CD38: variants seen among roughly 807,000 people sequenced by gnomAD.
CD38 encodes the protein ADP-ribosyl cyclase/cyclic ADP-ribose hydrolase 1.
A neutral mutation model predicts 36.3 loss-of-function variants in CD38; 31 were observed. That is an observed-to-expected ratio of 0.85 (90% CI 0.64 to 1.15). CD38 has a LOEUF of 1.15. Among genes scored for constraint, CD38 ranks in the 50% most tolerant of loss-of-function variants. The probability of loss-of-function intolerance (pLI) is 0.00; values close to 1 mark genes in which losing one functional copy is unlikely to be tolerated. For synonymous variants in CD38, 131 were observed against 135.2 expected, an observed-to-expected ratio of 0.97 and a Z score of 0.22; for missense variants, 380 against 371.9, an observed-to-expected ratio of 1.02 and a Z score of -0.18.
intron 1 of CD38, among the ~76,000 whole-genome samples, chr4:15,785,564 C>A (rs970363953): frequency 6.6e-6 from 1 of 150,870 alleles, no homozygotes; most frequent in African/African-American, 2.5e-5. Context: ...ACAATAAACA[C>A]TCATGGCTTC....
intron 1 of CD38, among the ~76,000 whole-genome samples, chr4:15,785,470 G>T (rs990937052): frequency 6.6e-6 from 1 of 151,958 alleles, no homozygotes; most frequent in Non-Finnish European, 1.5e-5. Context: ...ACACACACTT[G>T]CTCCTTGTTC....
chr4:15,821,904 A>G (rs936424664), intron 2 of CD38, among the ~76,000 whole-genome samples: 1 of 152,056 alleles, frequency 6.6e-6, no homozygotes, highest in African/African-American at 2.4e-5. Flanking sequence ...AGAAAACTTC[A>G]GGCCAATATC....
rs192117974 is a variant in CD38 at position 15,800,359 on chromosome 4, A to G, written c.234-16152A>G. On this transcript the variant is annotated intron_variant, in intron 1 of 7. Coordinates refer to ENST00000226279, the MANE Select transcript of CD38 (RefSeq NM_001775.4). ...GAGCCATATGGTACATAAGTTGATT[A>G]GCTTTTTGAGAAACCACCAAACTGT... 7.9e-4 allele frequency among the ~76,000 whole-genome samples: 120 copies of G among 152,320 alleles called. 1 individual carries two copies. The highest frequency in any genetic ancestry group is 2.8e-3 in the African/African-American group (116 of 41,578).
intron 2 of CD38, among the ~76,000 whole-genome samples, chr4:15,820,495 T>C (rs1446449591): frequency 6.6e-6 from 1 of 152,106 alleles, no homozygotes; most frequent in Admixed American, 6.6e-5. Context: ...TGGAGGAATA[T>C]TTACCAAGCA....
rs529069394 is a variant in CD38, at chr4:15,780,907, A to T, written c.233+2260A>T. Among the ~76,000 whole-genome samples, 150 of 152,326 alleles carry T rather than the reference A, an allele frequency of 9.8e-4. 1 individual carries two copies. The highest frequency in any genetic ancestry group is 6.8e-3 in the Middle Eastern group (2 of 294). ...GTGGATCACTTAAGGTCAGGAGTAC[A>T]AGACCTGCCTGGCCAACATGCTGAA... On this transcript the variant is annotated intron_variant, in intron 1 of 7. Coordinates refer to ENST00000226279, the MANE Select transcript of CD38 (RefSeq NM_001775.4).
At chr4:15,782,406 T>A (rs1418395738) in intron 1 of CD38, among the ~76,000 whole-genome samples, 1 of 152,252 alleles carries the variant, frequency 6.6e-6, no homozygotes, top group Non-Finnish European at 1.5e-5. Flanking sequence ...TCTTTTGTCC[T>A]TCTCTTACAC....
At chr4:15,813,857 A>G (rs1382817186) in intron 1 of CD38, among the ~76,000 whole-genome samples, 1 of 152,176 alleles carries the variant, frequency 6.6e-6, no homozygotes. Flanking sequence ...ATTTATGGGC[A>G]TTTGGGTTGG....
intron 1 of CD38, among the ~76,000 whole-genome samples, chr4:15,793,598 A>C (rs1367677226): frequency 2.0e-5 from 3 of 152,156 alleles, no homozygotes; most frequent in Admixed American, 2.0e-4. Context: ...ATGTGTAGTC[A>C]AAATACTATG....
At chr4:15,780,576 T>C (rs545554614) in intron 1 of CD38, among the ~76,000 whole-genome samples, 20 of 134,912 alleles carry the variant, frequency 1.5e-4, no homozygotes, top group African/African-American at 5.5e-4. Flanking sequence ...ACATACAGTC[T>C]TACAGCCACA....
intron 1 of CD38, among the ~76,000 whole-genome samples, chr4:15,783,698 G>A (rs73224697): frequency 0.053 from 8,079 of 152,218 alleles, 274 homozygotes; most frequent in Non-Finnish European, 0.065. Flanking sequence ...CTTACCTTAC[G>A]TTCTAATGAT....
At chr4:15,781,407 A>G (rs1315972124) in intron 1 of CD38, among the ~76,000 whole-genome samples, 2 of 152,238 alleles carry the variant, frequency 1.3e-5, no homozygotes, top group African/African-American at 4.8e-5. Context: ...AACAACATTT[A>G]TATAACATAA....
At chr4:15,788,034 TC>T (rs1291467683) in intron 1 of CD38, among the ~76,000 whole-genome samples, 1 of 152,218 alleles carries the variant, frequency 6.6e-6, no homozygotes, top group Non-Finnish European at 1.5e-5. Flanking sequence ...CAGCTTATTC[TC>T]CCCCGAAGCT....
intron 1 of CD38, among the ~76,000 whole-genome samples, chr4:15,806,393 AAC>A (rs1723341121): frequency 6.6e-6 from 1 of 152,228 alleles, no homozygotes. Flanking sequence ...TTGCAAAAAG[AAC>A]ACAGTTTGGC....
intron 1 of CD38, among the ~76,000 whole-genome samples, chr4:15,784,822 C>G (rs760315908): frequency 6.6e-6 from 1 of 152,102 alleles, no homozygotes; most frequent in Non-Finnish European, 1.5e-5. Flanking sequence ...TTTTGGGAGG[C>G]TGACGTGGGT....
intron 7 of CD38, 141 bp from the exon 8 acceptor site, chr4:15,848,398 A>G: frequency 1.9e-6 from 1 of 534,142 alleles, no homozygotes; most frequent in Non-Finnish European, 3.5e-6. Context: ...CCGACATGTC[A>G]CTGCAGGAGA....
chr4:15,800,543 C>G (rs1370438754), intron 1 of CD38, among the ~76,000 whole-genome samples: 1 of 152,050 alleles, frequency 6.6e-6, no homozygotes, highest in Non-Finnish European at 1.5e-5. Context: ...TTGCATTTCC[C>G]CCATGACTAA....
At chr4:15,833,209 C>T (rs2148926641) in intron 3 of CD38, among the ~76,000 whole-genome samples, 1 of 152,190 alleles carries the variant, frequency 6.6e-6, no homozygotes, top group East Asian at 1.9e-4. Flanking sequence ...CCAGTTGGTG[C>T]TCTACCTCTC....
chr4:15,800,813 T>A lies in CD38; in HGVS notation c.234-15698T>A, dbSNP rs530365301. Among the ~76,000 whole-genome samples the A allele has an allele frequency of 2.6e-5, 4 of 152,196 alleles. No individual in the cohort carries two copies. The South Asian group carries it at 6.2e-4, about 24-fold the overall frequency. On this transcript the variant is annotated intron_variant, in intron 1 of 7. Coordinates refer to ENST00000226279, the MANE Select transcript of CD38 (RefSeq NM_001775.4). ...GTAAAAGCAGTACTAGGAGGAAAGT[T>A]CATAGTAATGATTGCCTACGTCAAA...
At chr4:15,799,642 A>G (rs546517000) in intron 1 of CD38, among the ~76,000 whole-genome samples, 59 of 152,134 alleles carry the variant, frequency 3.9e-4, no homozygotes, top group Non-Finnish European at 7.3e-4. Context: ...ATTGATAGAC[A>G]TTTGGCTTGT....
Sources: allele counts gnomAD v4.1 joint callset (sites outside exome capture counted in the v4.1 genomes callset), GRCh38; gene constraint gnomAD v4.1.1; transcripts MANE v1.5; gene names NCBI Gene and HGNC (gene_info 2026-07-23, HGNC 2026-07-21).